CACNA1H: variants seen among roughly 807,000 people sequenced by gnomAD.
CACNA1H encodes the protein voltage-dependent T-type calcium channel subunit alpha-1H.
CACNA1H carries 149 observed loss-of-function variants against 192.5 expected under a neutral mutation model. That is an observed-to-expected ratio of 0.77 (90% CI 0.68 to 0.89). The LOEUF is 0.89. Ranked by LOEUF, CACNA1H falls within the 40% of genes least tolerant of loss-of-function variation. The pLI is 0.00. For missense variants in CACNA1H, 4,257 were observed against 3,423.5 expected, an observed-to-expected ratio of 1.24 and a Z score of -6.08; for synonymous variants, 2,202 against 1,475.2, an observed-to-expected ratio of 1.49 and a Z score of -11.29.
At chr16:1,214,412 C>G (rs760870715) in intron 27 of CACNA1H, among the ~76,000 whole-genome samples, 9 of 152,192 alleles carry the variant, frequency 5.9e-5, no homozygotes, top group Non-Finnish European at 8.8e-5. Context: ...TTGTGTGGAG[C>G]CGAGGATGGC....
At chr16:1,166,768 C>G (rs1963827321) in intron 2 of CACNA1H, among the ~76,000 whole-genome samples, 1 of 152,182 alleles carries the variant, frequency 6.6e-6, no homozygotes, top group African/African-American at 2.4e-5. Flanking sequence ...GAGCCCTGAC[C>G]CTTCCACGGT....
Position 1,209,133 on chromosome 16 carries a change from G to A in CACNA1H, c.3465G>A (p.Lys1155=). Residue 1155 remains lysine, a synonymous_variant, in exon 17 of 35, where the codon AAG becomes AAA. Coordinates refer to ENST00000348261, the MANE Select transcript of CACNA1H (RefSeq NM_021098.3). ...GCCTGGGCCGTGCCCCCAGCCTCAA[G>A]CGCCGCGGCCAGTGTGGGGAACGTG... is the stretch of plus-strand genomic sequence containing the variant. The part of the protein sequence containing the change: ...WSSLGRAPSL[K]RRGQCGERES... 6.4e-7 allele frequency: 1 copy of A among 1,553,620 alleles called. No homozygotes were observed. Among genetic ancestry groups the A allele is most frequent in the Non-Finnish European group, 8.7e-7 (1 of 1,149,922 alleles).
intron 2 of CACNA1H, chr16:1,156,964 C>G (rs1186196410): frequency 6.6e-6 from 1 of 152,222 alleles, no homozygotes; most frequent in African/African-American, 2.4e-5. Context: ...ATATAATTGT[C>G]TTAGAACTTT....
chr16:1,164,435 G>C (rs1425230591), intron 2 of CACNA1H, among the ~76,000 whole-genome samples: 1 of 152,152 alleles, frequency 6.6e-6, no homozygotes, highest in East Asian at 1.9e-4. Context: ...TGGTTCAGGT[G>C]ACCCTCCTGC....
chr16:1,218,424 G>A lies in CACNA1H; in HGVS notation c.5660G>A (p.Gly1887Asp), dbSNP rs1353823679. 1.9e-6 allele frequency: 3 copies of A among 1,553,880 alleles called. No individual in the cohort carries two copies. The South Asian group carries it at 3.6e-5, about 18-fold the overall frequency. Reference sequence around the variant, plus strand: ...GAGATCGAGCTGGAGATGGCGCAGGGCCCCGGGAGTGCACGCCGGGTGGAC... The same window carrying A: ...GAGATCGAGCTGGAGATGGCGCAGGACCCCGGGAGTGCACGCCGGGTGGAC... ...DAEIELEMAQGPGSARRVDAD... is the reference protein window; with the variant it reads ...DAEIELEMAQDPGSARRVDAD... The change falls in exon 33 of 35, where the codon GGC becomes GAC. Residue 1887 changes from glycine (G) to aspartate (D), a missense_variant. Coordinates refer to ENST00000348261, the MANE Select transcript of CACNA1H (RefSeq NM_021098.3).
chr16:1,209,657 C>T (rs568555180), intron 17 of CACNA1H, among the ~76,000 whole-genome samples: 19 of 152,218 alleles, frequency 1.2e-4, no homozygotes, highest in Non-Finnish European at 2.4e-4. Flanking sequence ...GGCCTGCATA[C>T]GGGGGCTGGG....
rs1555497896 is a variant in CACNA1H at position 1,153,169 on chromosome 16, C to CCGGCCCGCGCCCCG, written c.-317_-304dup. On this transcript the variant is annotated 5_prime_UTR_variant, in exon 1 of 35. Transcript: ENST00000348261. ...GGCTCGCTCGCTGCCTCACCGGTCC[C>CCGGCCCGCGCCCCG]CGGCCCGCGCCCCGCGCCCCGCGCC... 3.5e-5 allele frequency: 5 copies of CCGGCCCGCGCCCCG among 144,598 alleles called. No homozygotes were observed. The highest frequency in any genetic ancestry group is 1.4e-4 in the Admixed American group (2 of 14,576). 9.0% of individuals were successfully genotyped at this position (144,598 alleles called of 1,614,324 possible). A position where few individuals can be genotyped will look rare whatever the true frequency, so the allele number is the denominator to read the frequency against.
At chr16:1,154,328 G>C (rs917820301) in intron 2 of CACNA1H, among the ~76,000 whole-genome samples, 1 of 152,144 alleles carries the variant, frequency 6.6e-6, no homozygotes, top group Non-Finnish European at 1.5e-5. Context: ...GGGGAGAGGA[G>C]TCGGGGAGGG....
intron 2 of CACNA1H, among the ~76,000 whole-genome samples, chr16:1,185,356 G>A (rs887747178): frequency 2.0e-5 from 3 of 152,092 alleles, no homozygotes; most frequent in African/African-American, 7.2e-5. Flanking sequence ...TTTGTCCCTG[G>A]TGTAGGCAGG....
intron 2 of CACNA1H, among the ~76,000 whole-genome samples, chr16:1,182,116 T>TGGCAGG (rs1461322195): frequency 1.3e-5 from 2 of 152,244 alleles, no homozygotes; most frequent in Admixed American, 6.5e-5. Flanking sequence ...CCCCGGGCTG[T>TGGCAGG]GGCAGGGGCA....
chr16:1,174,885 G>A (rs889645598), intron 2 of CACNA1H, among the ~76,000 whole-genome samples: 23 of 152,130 alleles, frequency 1.5e-4, no homozygotes, highest in African/African-American at 5.3e-4. Context: ...CGGTGGGCAG[G>A]CAGGGGGCCG....
At chr16:1,210,193 C>A in intron 18 of CACNA1H, 58 bp downstream of exon 18, 2 of 1,417,428 alleles carry the variant, frequency 1.4e-6, no homozygotes, top group Admixed American at 4.1e-5. Flanking sequence ...GACCCCCGCC[C>A]CCAGGTCCCT....
Position 1,218,629 on chromosome 16 carries a change from C to T in CACNA1H, c.5865C>T (p.Thr1955=), listed in dbSNP as rs1031700282. The change falls in exon 33 of 35, where the codon ACC becomes ACT. Residue 1955 remains threonine (T), a synonymous_variant. Transcript: ENST00000348261. ...CGCTGCAGGAGGTGGAGATGGAGAC[C>T]TATGGGGCCGGCACCCCCTTGGGTA... The part of the protein sequence containing the change: ...PRPLQEVEME[T]YGAGTPLGSV... 3 of 1,554,168 alleles carry T rather than the reference C, an allele frequency of 1.9e-6. No homozygotes were observed. The highest frequency in any genetic ancestry group is 2.6e-6 in the Non-Finnish European group (3 of 1,147,994).
intron 9 of CACNA1H, among the ~76,000 whole-genome samples, chr16:1,203,659 G>A (rs1318666259): frequency 6.6e-6 from 1 of 152,208 alleles, no homozygotes; most frequent in East Asian, 1.9e-4. Flanking sequence ...GGCTCTAGGG[G>A]AGAACTCTCC....
At chr16:1,212,845 C>T (rs1969622132) in intron 26 of CACNA1H, among the ~76,000 whole-genome samples, 1 of 152,226 alleles carries the variant, frequency 6.6e-6, no homozygotes, top group South Asian at 2.1e-4. Flanking sequence ...GCCTGACTGG[C>T]CGCGGGCCCT....
At chr16:1,195,302 G>A in intron 3 of CACNA1H, 130 bp from the exon 4 acceptor site, 1 of 1,212,168 alleles carries the variant, frequency 8.2e-7, no homozygotes, top group Non-Finnish European at 1.1e-6. Context: ...AGTTCCTGGG[G>A]CTCAGGGCGG....
chr16:1,171,020 C>A lies in CACNA1H; in HGVS notation c.299+16984C>A, dbSNP rs183634517. Reference sequence around the variant, plus strand: ...GCAGATCCTCTCTCTAGCTCTCCCCCCAACCACTGCACCCATAGCCCGTCC... The same window carrying A: ...GCAGATCCTCTCTCTAGCTCTCCCCACAACCACTGCACCCATAGCCCGTCC... On this transcript the variant is annotated intron_variant, in intron 2 of 34. Transcript: ENST00000348261. Among the ~76,000 whole-genome samples the A allele has an allele frequency of 5.7e-3, 862 of 152,168 alleles. 10 individuals are homozygous for A. The highest frequency in any genetic ancestry group is 0.018 in the African/African-American group (756 of 41,500).
At chr16:1,189,926 C>G (rs929165409) in intron 2 of CACNA1H, among the ~76,000 whole-genome samples, 2 of 152,242 alleles carry the variant, frequency 1.3e-5, no homozygotes, top group African/African-American at 4.8e-5. Context: ...ACATGTCATC[C>G]AGGCCAGACT....
rs751556493 is a variant in CACNA1H, at chr16:1,198,615, G to T, written c.644G>T (p.Ser215Ile). 1.2e-6 allele frequency: 2 copies of T among 1,612,636 alleles called. No individual in the cohort carries two copies. Among genetic ancestry groups the T allele is most frequent in the South Asian group, 1.1e-5 (1 of 91,090 alleles). ...RPLRAINRVP[S>I]MRILVTLLLD... ...CCAATCCTGGCCCTGCTGCCCACAG[G>T]CATGCGGATCCTGGTCACTCTGCTG... Residue 215 changes from serine to isoleucine, a missense_variant and splice_region_variant, in exon 6 of 35, where the codon AGC becomes ATC. Coordinates refer to ENST00000348261, the MANE Select transcript of CACNA1H (RefSeq NM_021098.3).
Sources: allele counts gnomAD v4.1 joint callset (sites outside exome capture counted in the v4.1 genomes callset), GRCh38; gene constraint gnomAD v4.1.1; transcripts MANE v1.5; gene names NCBI Gene and HGNC (gene_info 2026-07-23, HGNC 2026-07-21).